B4GALT6: variants seen among roughly 807,000 people sequenced by gnomAD.
The protein encoded by B4GALT6 is UDP-Gal:beta-GlcNAc beta-1,4-galactosyltransferase 6.
Under a neutral mutation model 46.3 loss-of-function variants are expected in B4GALT6, and 14 were observed. The ratio of observed to expected loss-of-function variants is 0.30; its 90% confidence interval spans 0.20 to 0.47. The LOEUF (loss-of-function observed/expected upper bound fraction) is 0.47. B4GALT6 is among the 20% of genes least tolerant of loss of function. The pLI is 0.99. For missense variants in B4GALT6, 386 were observed against 480.1 expected, an observed-to-expected ratio of 0.80 and a Z score of 1.83; for synonymous variants, 168 against 162.0, an observed-to-expected ratio of 1.04 and a Z score of -0.28.
the B4GALT6 span, among the ~76,000 whole-genome samples, chr18:31,691,121 T>C: frequency 6.6e-6 from 1 of 152,048 alleles, no homozygotes; most frequent in Non-Finnish European, 1.5e-5. Flanking sequence ...ACCTGCATGT[T>C]CTACACATGT....
intron 5 of B4GALT6, among the ~76,000 whole-genome samples, chr18:31,636,966 G>A (rs1003531750): frequency 6.6e-6 from 1 of 152,168 alleles, no homozygotes; most frequent in African/African-American, 2.4e-5. Context: ...GATTACAGGT[G>A]CCTGCCACCA....
chr18:31,713,729 A>T, the B4GALT6 span, among the ~76,000 whole-genome samples: 1 of 152,180 alleles, frequency 6.6e-6, no homozygotes, highest in African/African-American at 2.4e-5. Context: ...ATGAAACCGA[A>T]TTTTTTTCAA....
At chr18:31,677,055 T>C (rs1483441923) in intron 1 of B4GALT6, among the ~76,000 whole-genome samples, 1 of 152,210 alleles carries the variant, frequency 6.6e-6, no homozygotes, top group African/African-American at 2.4e-5. Flanking sequence ...TAAGAGTATC[T>C]GTGTTTCATC....
At chr18:31,671,911 TA>T (rs2074361416) in intron 1 of B4GALT6, among the ~76,000 whole-genome samples, 1 of 152,178 alleles carries the variant, frequency 6.6e-6, no homozygotes, top group Non-Finnish European at 1.5e-5. Flanking sequence ...GAAAAAAATT[TA>T]AAAAATAGAA....
intron 5 of B4GALT6, among the ~76,000 whole-genome samples, 184 bp downstream of exon 5, chr18:31,638,460 G>A (rs1452659378): frequency 6.6e-6 from 1 of 152,138 alleles, no homozygotes; most frequent in Non-Finnish European, 1.5e-5. Flanking sequence ...CTGGGGGGCG[G>A]AGCTTGCAGT....
At chr18:31,667,123 G>C (rs2074292009) in intron 1 of B4GALT6, among the ~76,000 whole-genome samples, 1 of 152,146 alleles carries the variant, frequency 6.6e-6, no homozygotes, top group Admixed American at 6.5e-5. Context: ...GAGATGTCCA[G>C]ACTCCCCAGA....
At chr18:31,704,003 T>C in the B4GALT6 span, among the ~76,000 whole-genome samples, 1 of 152,304 alleles carries the variant, frequency 6.6e-6, no homozygotes, top group East Asian at 1.9e-4. Flanking sequence ...CCTTTTTTGT[T>C]ATCTCCATTT....
chr18:31,720,720 A>C, the B4GALT6 span, among the ~76,000 whole-genome samples: 1 of 152,224 alleles, frequency 6.6e-6, no homozygotes, highest in South Asian at 2.1e-4. Flanking sequence ...TCACCTTGGC[A>C]TGTGTGTCAC....
chr18:31,645,562 T>C, intron 3 of B4GALT6, 83 bp from the exon 4 acceptor site: 1 of 1,399,130 alleles, frequency 7.1e-7, no homozygotes. Context: ...AGCAGGGTGA[T>C]GGCATATCTT....
chr18:31,702,658 A>C, the B4GALT6 span, among the ~76,000 whole-genome samples: 1 of 152,342 alleles, frequency 6.6e-6, no homozygotes, highest in East Asian at 1.9e-4. Context: ...CTGTAACCAC[A>C]AAAAGGCCTA....
At chr18:31,666,612 TAACTG>T (rs1401869560) in intron 1 of B4GALT6, among the ~76,000 whole-genome samples, 1 of 152,090 alleles carries the variant, frequency 6.6e-6, no homozygotes, top group African/African-American at 2.4e-5. Context: ...AGAATGAAAC[TAACTG>T]AACAAACTAA....
At chr18:31,681,075 T>C (rs1322204403) in intron 1 of B4GALT6, among the ~76,000 whole-genome samples, 2 of 150,658 alleles carry the variant, frequency 1.3e-5, no homozygotes, top group Admixed American at 1.3e-4. Flanking sequence ...CATTGTACTA[T>C]GACGGAAGAA....
intron 1 of B4GALT6, among the ~76,000 whole-genome samples, chr18:31,673,037 G>A (rs1223328761): frequency 6.6e-6 from 1 of 152,200 alleles, no homozygotes; most frequent in Non-Finnish European, 1.5e-5. Context: ...TTTTCTGGAA[G>A]AGCAGGGCCC....
At chr18:31,672,397 C>T (rs1005552471) in intron 1 of B4GALT6, among the ~76,000 whole-genome samples, 4 of 152,066 alleles carry the variant, frequency 2.6e-5, no homozygotes, top group South Asian at 2.1e-4. Context: ...CTGGAACTAT[C>T]GTGATAAATT....
At chr18:31,682,779 C>G (rs2074495415) in intron 1 of B4GALT6, among the ~76,000 whole-genome samples, 1 of 151,950 alleles carries the variant, frequency 6.6e-6, no homozygotes, top group Non-Finnish European at 1.5e-5. Context: ...AAAAACATAC[C>G]CCAAAGATGT....
At chr18:31,685,351 G>A (rs1330570117), upstream of B4GALT6, among the ~76,000 whole-genome samples, 1 of 151,648 alleles carries the variant, frequency 6.6e-6, no homozygotes, top group African/African-American at 2.4e-5. Context: ...CGCCGTCGGA[G>A]CCGCGTCTGG....
chr18:31,713,550 T>G, the B4GALT6 span, among the ~76,000 whole-genome samples: 1 of 152,178 alleles, frequency 6.6e-6, no homozygotes, highest in Non-Finnish European at 1.5e-5. Flanking sequence ...TAGAATGTGA[T>G]GGATCCAGCA....
chr18:31,667,740 T>C (rs2074298485), intron 1 of B4GALT6, among the ~76,000 whole-genome samples: 1 of 152,178 alleles, frequency 6.6e-6, no homozygotes, highest in South Asian at 2.1e-4. Flanking sequence ...TATAATTAGA[T>C]TTAACTTGCC....
At chr18:31,642,952 G>A (rs1304864437) in intron 4 of B4GALT6, among the ~76,000 whole-genome samples, 1 of 152,122 alleles carries the variant, frequency 6.6e-6, no homozygotes, top group Non-Finnish European at 1.5e-5. Context: ...TCAACTAACT[G>A]CATTGGTATT....
Sources: allele counts gnomAD v4.1 joint callset (sites outside exome capture counted in the v4.1 genomes callset), GRCh38; gene constraint gnomAD v4.1.1; transcripts MANE v1.5; gene names NCBI Gene and HGNC (gene_info 2026-07-23, HGNC 2026-07-21).